Variants in PLXNA4 observed in about 807,000 individuals in gnomAD.
The protein encoded by PLXNA4 is plexin A4, also known as plexin-A4.
Under a neutral mutation model 191.8 loss-of-function variants are expected in PLXNA4, and 44 were observed. The ratio of observed to expected loss-of-function variants is 0.23; its 90% confidence interval spans 0.18 to 0.29. The LOEUF is 0.29. Among genes scored for constraint, PLXNA4 ranks in the 10% least tolerant of loss-of-function variants. The pLI is 1.00. For missense variants in PLXNA4, 1,800 were observed against 2,488.8 expected (o/e 0.72, Z 5.89); for synonymous variants, 1,082 against 1,009.5 (o/e 1.07, Z -1.36).
At chr7:132,188,181 G>A (rs1427667381) in intron 14 of PLXNA4, among the ~76,000 whole-genome samples, 3 of 152,172 alleles carry the variant, frequency 2.0e-5, no homozygotes, top group Non-Finnish European at 2.9e-5. Context: ...GAGCCCCAGG[G>A]AAACTCAGAG....
At chr7:132,467,489 C>T (rs775653112) in intron 3 of PLXNA4, among the ~76,000 whole-genome samples, 1 of 152,194 alleles carries the variant, frequency 6.6e-6, no homozygotes. Context: ...GGTCTGCTCA[C>T]CAATGGTACT....
upstream of PLXNA4, among the ~76,000 whole-genome samples, chr7:132,578,423 C>G (rs1473961815): frequency 2.0e-5 from 3 of 152,250 alleles, no homozygotes; most frequent in Non-Finnish European, 4.4e-5. Context: ...CACCCAGAAA[C>G]TCCCGCCCAT....
Position 132,130,355 on chromosome 7 carries a change from G to T in PLXNA4, c.*124C>A, listed in dbSNP as rs1794889304. 8 of 1,339,438 alleles carry T rather than the reference G, an allele frequency of 6.0e-6. No homozygotes were observed. The highest frequency in any genetic ancestry group is 8.3e-6 in the Non-Finnish European group (8 of 958,736). 83.0% of individuals were successfully genotyped at this position (1,339,438 alleles called of 1,614,324 possible). On this transcript the variant is annotated 3_prime_UTR_variant, in exon 32 of 32. Coordinates refer to ENST00000321063, the MANE Select transcript of PLXNA4 (RefSeq NM_020911.2). ...GGAAAGAGGCAGAGAGAAAGAGAGA[G>T]AAACAGCGCTGCTCAGGGGATGCTG...
intron 1 of PLXNA4, among the ~76,000 whole-genome samples, chr7:132,516,042 C>T (rs1004447880): frequency 1.3e-5 from 2 of 152,098 alleles, no homozygotes; most frequent in East Asian, 1.9e-4. Context: ...AATGAATGCT[C>T]CATAGCAGAG....
At chr7:132,151,535 GAGGAGGAGA>G (rs1313491295) in intron 25 of PLXNA4, among the ~76,000 whole-genome samples, 209 of 128,722 alleles carry the variant, frequency 1.6e-3, no homozygotes, top group Non-Finnish European at 2.5e-3. Context: ...GAGAAAGGAG[GAGGAGGAGA>G]AAGGAGGAGG....
At chr7:132,212,237 C>T (rs1185851808) in intron 9 of PLXNA4, among the ~76,000 whole-genome samples, 1 of 152,174 alleles carries the variant, frequency 6.6e-6, no homozygotes, top group Non-Finnish European at 1.5e-5. Flanking sequence ...GGGCTCACCA[C>T]CAACTCTCAG....
At chr7:132,464,172 T>C (rs156948) in intron 3 of PLXNA4, among the ~76,000 whole-genome samples, 114,187 of 152,184 alleles carry the variant, frequency 0.75, 46,121 homozygotes, top group Non-Finnish European at 0.9. Flanking sequence ...GGTGCTGAGA[T>C]GCGAAAAATA....
intron 25 of PLXNA4, among the ~76,000 whole-genome samples, chr7:132,154,768 A>T (rs1294979905): frequency 6.6e-6 from 1 of 152,210 alleles, no homozygotes; most frequent in Non-Finnish European, 1.5e-5. Context: ...ACTCATATGC[A>T]TGGCACCAAG....
intron 3 of PLXNA4, among the ~76,000 whole-genome samples, chr7:132,469,519 A>G (rs1417517651): frequency 1.3e-5 from 2 of 152,152 alleles, no homozygotes; most frequent in African/African-American, 2.4e-5. Context: ...CTGTTTCTCA[A>G]CCCTGGGATT....
At chr7:132,248,866 T>C (rs1799148909) in intron 4 of PLXNA4, among the ~76,000 whole-genome samples, 3 of 147,394 alleles carry the variant, frequency 2.0e-5, no homozygotes, top group Non-Finnish European at 4.5e-5. Flanking sequence ...TTTTTTTTTT[T>C]CTACTTGGCA....
intron 3 of PLXNA4, among the ~76,000 whole-genome samples, chr7:132,373,745 G>T (rs568854983): frequency 3.3e-5 from 5 of 152,308 alleles, no homozygotes; most frequent in African/African-American, 1.2e-4. Context: ...GGAAATGCAG[G>T]GGTGGAGGAG....
At chr7:132,646,385 CT>C (rs1803870467) in intron 1 of PLXNA4, among the ~76,000 whole-genome samples, 1 of 152,182 alleles carries the variant, frequency 6.6e-6, no homozygotes, top group Non-Finnish European at 1.5e-5. Flanking sequence ...CTGAATGTTT[CT>C]GGCTCCCTAA....
chr7:132,197,872 T>A (rs1378007000), intron 13 of PLXNA4, among the ~76,000 whole-genome samples: 1 of 152,214 alleles, frequency 6.6e-6, no homozygotes, highest in Non-Finnish European at 1.5e-5. Context: ...GAATATAGAT[T>A]CTATGATGCT....
At chr7:132,149,207 G>A (rs796980518) in intron 25 of PLXNA4, among the ~76,000 whole-genome samples, 32 of 152,174 alleles carry the variant, frequency 2.1e-4, no homozygotes, top group African/African-American at 5.1e-4. Flanking sequence ...CCATTCTCAC[G>A]CCCATGAACA....
At chr7:132,361,374 G>T (rs757177259) in intron 3 of PLXNA4, among the ~76,000 whole-genome samples, 2 of 152,108 alleles carry the variant, frequency 1.3e-5, no homozygotes, top group Non-Finnish European at 2.9e-5. Context: ...AAAATGATGC[G>T]TTGATTGATT....
intron 1 of PLXNA4, among the ~76,000 whole-genome samples, chr7:132,570,498 A>C (rs149300480): frequency 3.9e-5 from 6 of 152,264 alleles, no homozygotes; most frequent in African/African-American, 1.4e-4. Flanking sequence ...ACACTACCAA[A>C]AGGGAAATCC....
chr7:132,477,312 T>G (rs561998685), intron 3 of PLXNA4, among the ~76,000 whole-genome samples: 1 of 152,316 alleles, frequency 6.6e-6, no homozygotes, highest in South Asian at 2.1e-4. Flanking sequence ...ACCATTCACT[T>G]TGGCTGGGCC....
intron 3 of PLXNA4, among the ~76,000 whole-genome samples, chr7:132,335,355 A>T (rs1802775455): frequency 6.6e-6 from 1 of 152,216 alleles, no homozygotes; most frequent in South Asian, 2.1e-4. Flanking sequence ...TGACTGCTAA[A>T]ATCTATTCTA....
At chr7:132,530,447 T>G (rs1012860764) in intron 1 of PLXNA4, among the ~76,000 whole-genome samples, 2 of 152,172 alleles carry the variant, frequency 1.3e-5, no homozygotes, top group Non-Finnish European at 2.9e-5. Context: ...AGCAAATGAC[T>G]TAAAGAGATG....
Sources: gnomAD v4.1 joint callset for allele counts (sites outside exome capture counted in the v4.1 genomes callset) on GRCh38, gnomAD v4.1.1 for gene constraint, MANE v1.5 for transcripts, NCBI Gene and HGNC (gene_info 2026-07-23, HGNC 2026-07-21) for gene names.